Variants in AFF3 observed in about 807,000 individuals in gnomAD.
AFF3 encodes AF4/FMR2 family member 3.
AFF3 carries 32 observed loss-of-function variants against 129.7 expected under a neutral mutation model. The observed-to-expected ratio is 0.25, with a 90% confidence interval of 0.19 to 0.33. The LOEUF (loss-of-function observed/expected upper bound fraction) is 0.33. AFF3 is among the 10% of genes least tolerant of loss of function. The probability of loss-of-function intolerance (pLI) is 1.00; values close to 1 mark genes in which losing one functional copy is unlikely to be tolerated. For synonymous variants in AFF3, 644 were observed against 635.4 expected, an observed-to-expected ratio of 1.01 and a Z score of -0.20; for missense variants, 1,373 against 1,592.0, an observed-to-expected ratio of 0.86 and a Z score of 2.34.
At chr2:99,898,488 G>C (rs1266781196) in intron 7 of AFF3, among the ~76,000 whole-genome samples, 1 of 152,116 alleles carries the variant, frequency 6.6e-6, no homozygotes, top group African/African-American at 2.4e-5. Context: ...AGAAGCTGTG[G>C]GTGCAAACTT....
intron 1 of AFF3, among the ~76,000 whole-genome samples, chr2:100,139,203 T>G (rs1048324710): frequency 2.6e-5 from 4 of 152,204 alleles, no homozygotes; most frequent in African/African-American, 9.6e-5. Context: ...GTAAAAGCCC[T>G]ATTTGCCCTT....
intron 24 of AFF3, among the ~76,000 whole-genome samples, chr2:99,552,705 G>A (rs1307515348): frequency 6.6e-6 from 1 of 152,140 alleles, no homozygotes; most frequent in Non-Finnish European, 1.5e-5. Flanking sequence ...CAGAGGAGGA[G>A]GAGCAGGTAG....
At chr2:99,746,616 T>C (rs932227294) in intron 9 of AFF3, among the ~76,000 whole-genome samples, 1 of 152,242 alleles carries the variant, frequency 6.6e-6, no homozygotes, top group African/African-American at 2.4e-5. Flanking sequence ...AATGATTATA[T>C]GAAGATGAAA....
intron 10 of AFF3, among the ~76,000 whole-genome samples, chr2:99,742,468 C>T (rs1170483265): frequency 1.3e-5 from 2 of 152,176 alleles, no homozygotes; most frequent in African/African-American, 4.8e-5. Flanking sequence ...CACATCATGT[C>T]TTGTAGAAGA....
intron 13 of AFF3, among the ~76,000 whole-genome samples, chr2:99,613,610 T>C (rs1046990115): frequency 6.6e-6 from 1 of 152,232 alleles, no homozygotes; most frequent in African/African-American, 2.4e-5. Context: ...AAGTTTTCTA[T>C]TTTCAAAGAA....
At chr2:99,616,293 G>C (rs1007837549) in intron 13 of AFF3, among the ~76,000 whole-genome samples, 1 of 151,676 alleles carries the variant, frequency 6.6e-6, no homozygotes, top group Non-Finnish European at 1.5e-5. Context: ...CATCCTCATG[G>C]AAACTCCATA....
At chr2:99,910,510 A>C (rs1558967693) in intron 7 of AFF3, among the ~76,000 whole-genome samples, 1 of 152,248 alleles carries the variant, frequency 6.6e-6, no homozygotes, top group Non-Finnish European at 1.5e-5. Context: ...CTTCTAGATG[A>C]AAACTGCTAA....
chr2:99,628,210 T>C (rs1682783338), intron 13 of AFF3, among the ~76,000 whole-genome samples: 1 of 152,204 alleles, frequency 6.6e-6, no homozygotes, highest in Non-Finnish European at 1.5e-5. Flanking sequence ...ATAAAATGTT[T>C]ATTCATTTGT....
At chr2:99,605,092 C>T (rs926819058) in intron 13 of AFF3, among the ~76,000 whole-genome samples, 4 of 152,162 alleles carry the variant, frequency 2.6e-5, no homozygotes, top group Non-Finnish European at 5.9e-5. Context: ...TTAATGGCTG[C>T]GGTCCTGAAG....
chr2:99,887,925 C>T (rs1318267807), intron 7 of AFF3, among the ~76,000 whole-genome samples: 1 of 152,156 alleles, frequency 6.6e-6, no homozygotes, highest in Non-Finnish European at 1.5e-5. Context: ...GGCCACCCAA[C>T]TCCAAACAGG....
chr2:99,954,811 A>T (rs977611592), intron 7 of AFF3, among the ~76,000 whole-genome samples: 26 of 149,264 alleles, frequency 1.7e-4, no homozygotes, highest in Non-Finnish European at 2.8e-4. Flanking sequence ...ATATACCTAA[A>T]GCTAAATGAC....
At chr2:99,670,390 GA>G (rs1687045456) in intron 12 of AFF3, among the ~76,000 whole-genome samples, 1 of 99,856 alleles carries the variant, frequency 1.0e-5, no homozygotes, top group Non-Finnish European at 2.0e-5. Context: ...AAAGGTTAAG[GA>G]TTTTTCATAC....
chr2:99,971,740 C>G (rs1678402229), intron 7 of AFF3, among the ~76,000 whole-genome samples: 2 of 152,068 alleles, frequency 1.3e-5, no homozygotes, highest in African/African-American at 4.8e-5. Flanking sequence ...CACCATCGAG[C>G]CCTCCATTGG....
At chr2:100,025,508 C>T (rs1683964202) in intron 4 of AFF3, among the ~76,000 whole-genome samples, 1 of 152,106 alleles carries the variant, frequency 6.6e-6, no homozygotes, top group Non-Finnish European at 1.5e-5. Flanking sequence ...CAATCCCCAT[C>T]AAAATACCAC....
chr2:99,855,636 CAAAT>C lies in AFF3; in HGVS notation c.874-18116_874-18113del, dbSNP rs544552013. Among the ~76,000 whole-genome samples the C allele has an allele frequency of 7.9e-5, 12 of 152,084 alleles. No individual in the cohort carries two copies. The South Asian group carries it at 1.0e-3, about 13-fold the overall frequency. On this transcript the variant is annotated intron_variant, in intron 7 of 24. Coordinates refer to ENST00000672756, the MANE Select transcript of AFF3 (RefSeq NM_001386135.1). ...TCCCATATTGATATAAATGAATGCCCAAATAAATAAATAGGATAGGATAAATATC... is the reference window on the plus strand; with the variant it reads ...TCCCATATTGATATAAATGAATGCCCAAATAAATAGGATAGGATAAATATC...
At chr2:99,743,455 C>G (rs1474911969) in intron 10 of AFF3, among the ~76,000 whole-genome samples, 1 of 152,156 alleles carries the variant, frequency 6.6e-6, no homozygotes, top group Non-Finnish European at 1.5e-5. Flanking sequence ...TGTGAGTGTG[C>G]TTTTAGGACA....
chr2:99,932,935 T>C (rs1471672889), intron 7 of AFF3, among the ~76,000 whole-genome samples: 1 of 152,224 alleles, frequency 6.6e-6, no homozygotes, highest in Non-Finnish European at 1.5e-5. Context: ...TTCAATAATA[T>C]GTTTTTTTAA....
chr2:99,869,972 C>T (rs1445918457), intron 7 of AFF3, among the ~76,000 whole-genome samples: 5 of 152,196 alleles, frequency 3.3e-5, no homozygotes, highest in African/African-American at 9.7e-5. Flanking sequence ...GCAGAGGTGA[C>T]GCCTGCCAGG....
chr2:99,573,728 T>G (rs1676722413), intron 18 of AFF3, among the ~76,000 whole-genome samples: 1 of 152,236 alleles, frequency 6.6e-6, no homozygotes, highest in Non-Finnish European at 1.5e-5. Flanking sequence ...TAGTCAGTCT[T>G]TCCTCACTGT....
Sources: allele counts gnomAD v4.1 joint callset (sites outside exome capture counted in the v4.1 genomes callset), GRCh38; gene constraint gnomAD v4.1.1; transcripts MANE v1.5; gene names NCBI Gene and HGNC (gene_info 2026-07-23, HGNC 2026-07-21).